Variants in ARHGAP10 observed in about 807,000 individuals in gnomAD.
ARHGAP10 encodes rho GTPase-activating protein 10.
Under a neutral mutation model 108.6 loss-of-function variants are expected in ARHGAP10, and 87 were observed. The ratio of observed to expected loss-of-function variants is 0.80; its 90% CI spans 0.67 to 0.96. ARHGAP10 has a LOEUF of 0.96. ARHGAP10 is among the 40% of genes least tolerant of loss of function. The pLI is 0.00. For missense variants in ARHGAP10, 939 were observed against 954.5 expected (o/e 0.98, Z 0.21); for synonymous variants, 347 against 341.1 (o/e 1.02, Z -0.19).
intron 10 of ARHGAP10, among the ~76,000 whole-genome samples, chr4:147,892,790 G>A (rs1735837410): frequency 6.6e-6 from 1 of 152,152 alleles, no homozygotes; most frequent in Admixed American, 6.5e-5. Context: ...TGCTCCTAGG[G>A]GACACTGGGC....
Position 147,766,086 on chromosome 4 carries a change from G to C in ARHGAP10, c.154+33631G>C, listed in dbSNP as rs1729797504. Among the ~76,000 whole-genome samples the C allele has an allele frequency of 2.0e-5, 3 of 152,084 alleles. No homozygotes were observed. In the South Asian group the frequency reaches 6.2e-4, roughly 32 times the overall value. On this transcript the variant is annotated intron_variant, in intron 1 of 22. Coordinates refer to ENST00000336498, the MANE Select transcript of ARHGAP10 (RefSeq NM_024605.4). Reference sequence around the variant, plus strand: ...ACTTGAGGTCAGGAGTTTGAGACCAGCCTGGCCAACATGGTGAAACCCTGT... The same window carrying C: ...ACTTGAGGTCAGGAGTTTGAGACCACCCTGGCCAACATGGTGAAACCCTGT...
chr4:148,037,833 C>CAA (rs58928158), intron 19 of ARHGAP10, among the ~76,000 whole-genome samples: 42 of 109,892 alleles, frequency 3.8e-4, no homozygotes, highest in African/African-American at 7.3e-4. Context: ...GACTCCGTCT[C>CAA]AAAAAAAAAA....
At chr4:147,798,137 CT>C (rs5862812) in intron 1 of ARHGAP10, among the ~76,000 whole-genome samples, 14,642 of 145,808 alleles carry the variant, frequency 0.1, 2,003 homozygotes, top group African/African-American at 0.31. Flanking sequence ...TTTGCTTTTA[CT>C]TTTTTTTTTT....
Position 148,050,776 on chromosome 4 carries a change from A to G in ARHGAP10, c.2027+3725A>G, listed in dbSNP as rs573523344. Among the ~76,000 whole-genome samples the G allele has an allele frequency of 2.0e-4, 30 of 152,338 alleles. No individual in the cohort carries two copies. The South Asian group carries it at 6.2e-3, about 32-fold the overall frequency. On this transcript the variant is annotated intron_variant, in intron 20 of 22. Transcript: ENST00000336498. The stretch of plus-strand genomic sequence containing the variant: ...ACTGTGTTTTGTTTCCTTAGCATTT[A>G]TAAGTTCTCATTGTATGTTCTCTTC...
At chr4:147,909,837 A>T (rs1421590206) in intron 12 of ARHGAP10, 60 bp downstream of exon 12, 1 of 1,507,864 alleles carries the variant, frequency 6.6e-7, no homozygotes, top group East Asian at 2.3e-5. Context: ...CTTTGTGTAC[A>T]TTATGCATGT....
intron 19 of ARHGAP10, among the ~76,000 whole-genome samples, chr4:148,027,606 C>T (rs1727931669): frequency 1.3e-5 from 2 of 152,172 alleles, no homozygotes; most frequent in Admixed American, 6.5e-5. Flanking sequence ...ATATCTTGAT[C>T]TAGGTGAGTC....
At chr4:147,857,023 T>C (rs965430674) in intron 4 of ARHGAP10, among the ~76,000 whole-genome samples, 1 of 152,254 alleles carries the variant, frequency 6.6e-6, no homozygotes, top group Admixed American at 6.5e-5. Flanking sequence ...CTGCTAACTT[T>C]TGTATTTTTA....
intron 1 of ARHGAP10, among the ~76,000 whole-genome samples, chr4:147,761,958 C>T (rs564907472): frequency 2.0e-5 from 3 of 152,300 alleles, no homozygotes; most frequent in Non-Finnish European, 4.4e-5. Context: ...TTCATGCTTA[C>T]ACCCAGATCA....
intron 13 of ARHGAP10, among the ~76,000 whole-genome samples, chr4:147,916,276 A>T (rs557493364): frequency 3.3e-5 from 5 of 152,232 alleles, no homozygotes; most frequent in African/African-American, 1.2e-4. Flanking sequence ...TTTTCATTTC[A>T]TGTCTTTCTG....
At chr4:147,756,332 A>G (rs1441456294) in intron 1 of ARHGAP10, among the ~76,000 whole-genome samples, 1 of 152,050 alleles carries the variant, frequency 6.6e-6, no homozygotes, top group Admixed American at 6.6e-5. Flanking sequence ...AGTATAAAAT[A>G]TTGGAATGGC....
chr4:147,955,304 CTTT>C lies in ARHGAP10; in HGVS notation c.1392-10_1392-8del, dbSNP rs762371672. On this transcript the variant is annotated splice_polypyrimidine_tract_variant and intron_variant, in intron 15 of 22. Coordinates refer to ENST00000336498, the MANE Select transcript of ARHGAP10 (RefSeq NM_024605.4). ...ATTTATTTGATAATTCTGAGCTGTT[CTTT>C]TCACACAGGAGTCTTCCAGAGCCTC... 4 of 1,606,462 alleles carry C rather than the reference CTTT, an allele frequency of 2.5e-6. No individual in the cohort carries two copies. The highest frequency in any genetic ancestry group is 2.6e-6 in the Non-Finnish European group (3 of 1,175,422).
chr4:148,028,212 G>A (rs114331812), intron 19 of ARHGAP10, among the ~76,000 whole-genome samples: 4 of 152,256 alleles, frequency 2.6e-5, no homozygotes, highest in Non-Finnish European at 5.9e-5. Context: ...CGTGACTGAG[G>A]CATGGCAGGA....
chr4:147,912,249 T>A (rs549519374), intron 12 of ARHGAP10, among the ~76,000 whole-genome samples: 1 of 152,046 alleles, frequency 6.6e-6, no homozygotes, highest in East Asian at 1.9e-4. Flanking sequence ...TCTAAATATA[T>A]GAAATTCCTT....
intron 19 of ARHGAP10, among the ~76,000 whole-genome samples, chr4:148,035,483 A>G (rs566369667): frequency 6.6e-6 from 1 of 152,316 alleles, no homozygotes; most frequent in Non-Finnish European, 1.5e-5. Flanking sequence ...TTTCAGATAC[A>G]TTATATTAGC....
chr4:147,841,632 T>C (rs1733419312), intron 3 of ARHGAP10, among the ~76,000 whole-genome samples: 2 of 152,154 alleles, frequency 1.3e-5, no homozygotes, highest in South Asian at 4.1e-4. Flanking sequence ...CCGTGGAGCT[T>C]CCAGTCTATT....
At position 147,986,869 on chromosome 4, in the gene ARHGAP10, T is replaced by C. The variant is rs1353730498; in HGVS notation, c.1716+20030T>C. On this transcript the variant is annotated intron_variant, in intron 18 of 22. Coordinates refer to ENST00000336498, the MANE Select transcript of ARHGAP10 (RefSeq NM_024605.4). ...AATTCACATAGTTGGTAAGTGGGGATTCAGACCCAGGCTGCCTGGCTTTGG... is the reference window on the plus strand; with the variant it reads ...AATTCACATAGTTGGTAAGTGGGGACTCAGACCCAGGCTGCCTGGCTTTGG... Among the ~76,000 whole-genome samples, 3 of 152,298 alleles carry C rather than the reference T, an allele frequency of 2.0e-5. No homozygotes were observed. The East Asian group carries it at 5.8e-4, about 29-fold the overall frequency.
chr4:147,946,722 G>T lies in ARHGAP10; in HGVS notation c.1391+18G>T. On this transcript the variant is annotated intron_variant, in intron 15 of 22. Transcript: ENST00000336498. ...TATTTGAGGTAAGCTCCTCTCAGTA[G>T]CAAGAAAGAAGAATGGACTATTTGG... 1 of 1,560,814 alleles carries T rather than the reference G, an allele frequency of 6.4e-7. No homozygotes were observed. The highest frequency in any genetic ancestry group is 8.7e-7 in the Non-Finnish European group (1 of 1,151,742).
chr4:147,828,044 C>T (rs12499150), intron 3 of ARHGAP10, among the ~76,000 whole-genome samples: 1 of 152,166 alleles, frequency 6.6e-6, no homozygotes, highest in African/African-American at 2.4e-5. Flanking sequence ...ACCTTGTGAT[C>T]TGCCCGCCTC....
intron 1 of ARHGAP10, among the ~76,000 whole-genome samples, chr4:147,784,654 T>TTATAAA (rs1730746048): frequency 8.4e-5 from 1 of 11,916 alleles, no homozygotes; most frequent in African/African-American, 1.6e-4. Flanking sequence ...AAAATATATA[T>TTATAAA]TATAAAATAT....
Sources: gnomAD v4.1 joint callset for allele counts (sites outside exome capture counted in the v4.1 genomes callset) on GRCh38, gnomAD v4.1.1 for gene constraint, MANE v1.5 for transcripts, NCBI Gene and HGNC (gene_info 2026-07-23, HGNC 2026-07-21) for gene names.